The following NOX3 variants were observed in gnomAD, a reference collection of about 807,000 sequenced individuals.
NOX3 encodes NADPH oxidase 3.
In NOX3, 74 loss-of-function variants were observed where a neutral mutation model predicts 76.7. The observed-to-expected ratio is 0.96, with a 90% CI of 0.80 to 1.17. The LOEUF is 1.17. Among genes scored for constraint, NOX3 ranks in the 50% most tolerant of loss-of-function variants. The pLI is 0.00. For synonymous variants in NOX3, 263 were observed against 261.1 expected (o/e 1.01, Z -0.07); for missense variants, 695 against 703.3 (o/e 0.99, Z 0.13).
intron 11 of NOX3, among the ~76,000 whole-genome samples, chr6:155,409,405 C>A (rs1776511990): frequency 6.6e-6 from 1 of 152,140 alleles, no homozygotes; most frequent in Admixed American, 6.5e-5. Flanking sequence ...GTCTTAAGGT[C>A]CTTGCTGAGA....
At chr6:155,427,800 G>A (rs1776776722) in intron 9 of NOX3, among the ~76,000 whole-genome samples, 1 of 152,156 alleles carries the variant, frequency 6.6e-6, no homozygotes, top group Non-Finnish European at 1.5e-5. Flanking sequence ...AGTGGGAATT[G>A]ACCCGAAGCC....
chr6:155,430,096 A>G (rs1776812767), intron 8 of NOX3, among the ~76,000 whole-genome samples: 1 of 152,208 alleles, frequency 6.6e-6, no homozygotes, highest in South Asian at 2.1e-4. Flanking sequence ...GATTCTGTTA[A>G]AATTGTATTA....
At position 155,455,136 on chromosome 6, in the gene NOX3, T is replaced by A. The variant is rs777490782; in HGVS notation, c.49-7A>T. On this transcript the variant is annotated splice_polypyrimidine_tract_variant and splice_region_variant and intron_variant, in intron 1 of 13. Coordinates refer to ENST00000159060, the MANE Select transcript of NOX3 (RefSeq NM_015718.3). Reference sequence around the variant, plus strand: ...TTATTCCCAGCCATGAGAGCTAGAGTAGAAAGGAAAGAGAACCAATGATTA... The same window carrying A: ...TTATTCCCAGCCATGAGAGCTAGAGAAGAAAGGAAAGAGAACCAATGATTA... 3 of 1,586,606 alleles carry A rather than the reference T, an allele frequency of 1.9e-6. No individual in the cohort carries two copies. The African/African-American group carries it at 4.0e-5, about 21-fold the overall frequency.
chr6:155,439,409 G>A (rs894303443), intron 6 of NOX3, among the ~76,000 whole-genome samples: 6 of 152,050 alleles, frequency 3.9e-5, no homozygotes, highest in Admixed American at 3.3e-4. Context: ...AGTGTTTTAC[G>A]GGATGTCTGA....
chr6:155,428,774 T>C lies in NOX3; in HGVS notation c.1145+20A>G. 1 of 1,471,018 alleles carries C rather than the reference T, an allele frequency of 6.8e-7. No homozygotes were observed. The highest frequency in any genetic ancestry group is 1.4e-5 in the African/African-American group (1 of 70,920). 91.1% of individuals were successfully genotyped at this position (1,471,018 alleles called of 1,614,324 possible). A position where few individuals can be genotyped will look rare whatever the true frequency, so the allele number is the denominator to read the frequency against. ...TTTTTATAATACTGCAATTTATACA[T>C]GAGAGAAATGGGCACGAACCTTGGC... On this transcript the variant is annotated intron_variant, in intron 9 of 13. Coordinates refer to ENST00000159060, the MANE Select transcript of NOX3 (RefSeq NM_015718.3).
intron 9 of NOX3, among the ~76,000 whole-genome samples, chr6:155,424,366 T>C (rs888463255): frequency 6.6e-6 from 1 of 152,240 alleles, no homozygotes; most frequent in African/African-American, 2.4e-5. Context: ...AACAATTGGT[T>C]GAATAAATTG....
At chr6:155,450,599 A>G (rs1777121140) in intron 4 of NOX3, among the ~76,000 whole-genome samples, 1 of 152,110 alleles carries the variant, frequency 6.6e-6, no homozygotes, top group Admixed American at 6.5e-5. Flanking sequence ...GGTAGAAAGT[A>G]TGACCTTAGA....
chr6:155,455,640 C>T, intron 1 of NOX3, 113 bp downstream of exon 1: 4 of 731,866 alleles, frequency 5.5e-6, no homozygotes, highest in Non-Finnish European at 6.8e-6. Context: ...AAGTTTTAGT[C>T]TTTTAACTAG....
chr6:155,407,482 C>G (rs1381051836), intron 11 of NOX3, among the ~76,000 whole-genome samples: 2 of 152,128 alleles, frequency 1.3e-5, no homozygotes, highest in African/African-American at 4.8e-5. Context: ...CTCTTTATAC[C>G]TAGTAGATGT....
intron 9 of NOX3, 25 bp from the exon 10 acceptor site, chr6:155,422,881 T>C: frequency 6.2e-7 from 1 of 1,612,806 alleles, no homozygotes; most frequent in Non-Finnish European, 8.5e-7. Context: ...GAATGCAGCC[T>C]ATTTGACCTT....
At chr6:155,396,519 G>C (rs757247869) in intron 13 of NOX3, among the ~76,000 whole-genome samples, 1 of 152,220 alleles carries the variant, frequency 6.6e-6, no homozygotes, top group Non-Finnish European at 1.5e-5. Context: ...CGCCCCCTGA[G>C]TGTGTGGATG....
At chr6:155,412,283 C>T (rs1297331564) in intron 10 of NOX3, among the ~76,000 whole-genome samples, 7 of 152,068 alleles carry the variant, frequency 4.6e-5, no homozygotes, top group African/African-American at 1.7e-4. Context: ...GATCAATGTT[C>T]TCTTCTCTCC....
chr6:155,449,423 C>T (rs931815604), intron 4 of NOX3, among the ~76,000 whole-genome samples: 7 of 152,108 alleles, frequency 4.6e-5, no homozygotes, highest in Non-Finnish European at 1.0e-4. Context: ...CCAGAAAGAT[C>T]TGCATTAATA....
chr6:155,452,196 G>A (rs923357668), intron 4 of NOX3, among the ~76,000 whole-genome samples: 1 of 152,128 alleles, frequency 6.6e-6, no homozygotes, highest in Non-Finnish European at 1.5e-5. Context: ...AGTATTCTTA[G>A]GGGAGCTTCA....
chr6:155,430,008 A>C (rs1475880677), intron 8 of NOX3, among the ~76,000 whole-genome samples: 1 of 152,230 alleles, frequency 6.6e-6, no homozygotes, highest in Non-Finnish European at 1.5e-5. Context: ...AAAAACAGCA[A>C]CACAGAAACA....
chr6:155,439,812 G>T, intron 6 of NOX3, 144 bp downstream of exon 6: 2 of 551,370 alleles, frequency 3.6e-6, no homozygotes, highest in Admixed American at 3.8e-5. Flanking sequence ...CTGAAAAAGC[G>T]TTTGCCACAG....
chr6:155,410,143 C>T (rs1776521869), intron 11 of NOX3, among the ~76,000 whole-genome samples: 1 of 152,120 alleles, frequency 6.6e-6, no homozygotes, highest in Non-Finnish European at 1.5e-5. Context: ...GCCTAGTTCC[C>T]AAGAAAGCTA....
chr6:155,404,127 A>T lies in NOX3; in HGVS notation c.1580+3003T>A, dbSNP rs199670388. Among the ~76,000 whole-genome samples the T allele has an allele frequency of 5.3e-3, 765 of 145,358 alleles. 4 individuals are homozygous for T. Among genetic ancestry groups the T allele is most frequent in the Middle Eastern group, 0.024 (7 of 286 alleles). On this transcript the variant is annotated intron_variant, in intron 12 of 13. Transcript: ENST00000159060. The stretch of plus-strand genomic sequence containing the variant: ...TATCAGTGAATATATATATATATAT[A>T]TTTTTTTTTTCCCAAAAGGAGAAAA...
chr6:155,407,690 T>A (rs1258124568), intron 11 of NOX3, among the ~76,000 whole-genome samples: 2 of 152,110 alleles, frequency 1.3e-5, no homozygotes, highest in African/African-American at 4.8e-5. Context: ...CAGATTAAAG[T>A]GGTATGAAAT....
Sources: allele counts gnomAD v4.1 joint callset (sites outside exome capture counted in the v4.1 genomes callset), GRCh38; gene constraint gnomAD v4.1.1; transcripts MANE v1.5; gene names NCBI Gene and HGNC (gene_info 2026-07-23, HGNC 2026-07-21).